Variants in ANKFN1 observed in about 807,000 individuals in gnomAD.
The protein encoded by ANKFN1 is ankyrin repeat and fibronectin type III domain containing 1.
A neutral mutation model predicts 108.7 loss-of-function variants in ANKFN1; 74 were observed. The observed-to-expected ratio is 0.68, with a 90% CI of 0.56 to 0.83. The LOEUF is 0.83. Ranked by LOEUF, ANKFN1 falls within the 40% of genes least tolerant of loss-of-function variation. The pLI, the probability that ANKFN1 is intolerant of heterozygous loss-of-function variation, is 0.00. For missense variants in ANKFN1, 1,505 were observed against 1,382.3 expected (o/e 1.09, Z -1.41); for synonymous variants, 547 against 516.2 (o/e 1.06, Z -0.81).
chr17:56,505,698 G>A (rs1288708511), intron 20 of ANKFN1, among the ~76,000 whole-genome samples: 1 of 152,190 alleles, frequency 6.6e-6, no homozygotes, highest in African/African-American at 2.4e-5. Flanking sequence ...TGCTCTAAGA[G>A]GCAAAAGAAC....
intron 17 of ANKFN1, among the ~76,000 whole-genome samples, chr17:56,481,489 AACACACAC>A (rs57493335): frequency 2.0e-5 from 3 of 148,954 alleles, no homozygotes; most frequent in African/African-American, 7.4e-5. Flanking sequence ...CCCTCCCCAA[AACACACAC>A]ACACACACAC....
chr17:56,063,252 T>TCTTA (rs1056596501), intron 4 of ANKFN1, among the ~76,000 whole-genome samples: 2 of 152,164 alleles, frequency 1.3e-5, no homozygotes. Context: ...TTATAGTGTA[T>TCTTA]CTTAGTGGTG....
At chr17:56,427,842 A>G (rs2048619367) in intron 8 of ANKFN1, among the ~76,000 whole-genome samples, 1 of 152,160 alleles carries the variant, frequency 6.6e-6, no homozygotes, top group Non-Finnish European at 1.5e-5. Flanking sequence ...GGCTGTGTGG[A>G]TCTGAGCTAG....
rs375352096 is a variant in ANKFN1, at chr17:56,047,139, G to A, written c.288+814G>A. ...ATAAGACAGTGCTGTATACCTTTGG[G>A]TAATGGTCGTTACTAATGCTAAATA... On this transcript the variant is annotated intron_variant, in intron 4 of 12. Transcript: ENST00000635860. 8.5e-5 allele frequency among the ~76,000 whole-genome samples: 13 copies of A among 152,268 alleles called. 1 individual carries two copies. Among genetic ancestry groups the A allele is most frequent in the African/African-American group, 3.1e-4 (13 of 41,554 alleles).
intron 1 of ANKFN1, among the ~76,000 whole-genome samples, chr17:56,186,993 C>T (rs957492145): frequency 1.3e-5 from 2 of 152,150 alleles, no homozygotes; most frequent in Admixed American, 6.5e-5. Flanking sequence ...TAGAAGAAAA[C>T]CTAGGCAGTA....
chr17:56,284,650 T>C (rs2044170934), intron 3 of ANKFN1, among the ~76,000 whole-genome samples: 1 of 152,216 alleles, frequency 6.6e-6, no homozygotes, highest in Non-Finnish European at 1.5e-5. Context: ...ATATGCAGTG[T>C]ATGCATTTAC....
chr17:56,509,557 A>G (rs898356896), intron 20 of ANKFN1, among the ~76,000 whole-genome samples: 2 of 152,196 alleles, frequency 1.3e-5, no homozygotes, highest in African/African-American at 4.8e-5. Flanking sequence ...GCTGCAGGGG[A>G]AGCTGAAAAA....
intron 3 of ANKFN1, among the ~76,000 whole-genome samples, chr17:56,300,370 G>A (rs917785170): frequency 1.3e-5 from 2 of 152,160 alleles, no homozygotes; most frequent in Non-Finnish European, 2.9e-5. Context: ...AGGAGTTGGG[G>A]TTTGGCAAAG....
chr17:56,396,216 G>A (rs1002962106), intron 8 of ANKFN1, among the ~76,000 whole-genome samples: 3 of 152,214 alleles, frequency 2.0e-5, no homozygotes, highest in African/African-American at 7.2e-5. Context: ...GGGAGGCCAA[G>A]GCGGGCAGAT....
chr17:56,131,959 T>C (rs1907310565), intron 4 of ANKFN1, among the ~76,000 whole-genome samples: 1 of 152,236 alleles, frequency 6.6e-6, no homozygotes, highest in Non-Finnish European at 1.5e-5. Flanking sequence ...AAATGTGTAC[T>C]CTAACTTAAG....
chr17:56,103,018 G>T (rs1322469013), intron 4 of ANKFN1, among the ~76,000 whole-genome samples: 2 of 152,184 alleles, frequency 1.3e-5, no homozygotes, highest in African/African-American at 4.8e-5. Flanking sequence ...ATGTAAATGA[G>T]CATCTGCTGT....
At chr17:56,461,702 C>T (rs920849229) in intron 14 of ANKFN1, among the ~76,000 whole-genome samples, 1 of 152,216 alleles carries the variant, frequency 6.6e-6, no homozygotes, top group Non-Finnish European at 1.5e-5. Context: ...TAGTGCCCCA[C>T]TTGGACTGTG....
rs1024032979 is a variant in ANKFN1 at position 56,073,068 on chromosome 17, C to G, written c.288+26743C>G. ...AGTGCAGTGGCGGGATCTCGGCTCA[C>G]TGCAAGCTCCGCCTCCCGGGTTCAC... On this transcript the variant is annotated intron_variant, in intron 4 of 12. Coordinates refer to the ANKFN1 transcript ENST00000635860. Among the ~76,000 whole-genome samples, 22 of 151,700 alleles carry G rather than the reference C, an allele frequency of 1.5e-4. No homozygotes were observed. In the East Asian group the frequency reaches 4.3e-3, roughly 29 times the overall value.
chr17:56,452,378 A>G (rs140431656), intron 11 of ANKFN1, among the ~76,000 whole-genome samples: 339 of 152,316 alleles, frequency 2.2e-3, no homozygotes, highest in Non-Finnish European at 3.8e-3. Flanking sequence ...GAGAAAAGTT[A>G]GTTTAGACTG....
At chr17:56,093,554 C>T (rs1905460827) in intron 4 of ANKFN1, among the ~76,000 whole-genome samples, 1 of 151,318 alleles carries the variant, frequency 6.6e-6, no homozygotes, top group Non-Finnish European at 1.5e-5. Context: ...ACGAAATGCA[C>T]ACATTTCAAA....
At chr17:56,075,703 G>A (rs990707492) in intron 4 of ANKFN1, among the ~76,000 whole-genome samples, 6 of 152,118 alleles carry the variant, frequency 3.9e-5, no homozygotes, top group African/African-American at 1.4e-4. Context: ...TTTGCAAAGG[G>A]CCACTTAGTT....
At chr17:56,247,461 A>C (rs1379088517) in intron 3 of ANKFN1, among the ~76,000 whole-genome samples, 3 of 152,326 alleles carry the variant, frequency 2.0e-5, no homozygotes, top group African/African-American at 7.2e-5. Flanking sequence ...AACAAAACGA[A>C]GATAAATACT....
At chr17:56,178,823 G>A (rs769817227) in intron 1 of ANKFN1, among the ~76,000 whole-genome samples, 3 of 152,130 alleles carry the variant, frequency 2.0e-5, no homozygotes, top group Non-Finnish European at 4.4e-5. Flanking sequence ...AGGGTGCAAC[G>A]TGTAGCATTT....
At chr17:56,274,370 G>A (rs981412932) in intron 3 of ANKFN1, among the ~76,000 whole-genome samples, 59 of 152,282 alleles carry the variant, frequency 3.9e-4, no homozygotes, top group Middle Eastern at 3.4e-3. Flanking sequence ...CTACTCAGGA[G>A]GCTGAGGCAG....
Sources: gnomAD v4.1 joint callset for allele counts (sites outside exome capture counted in the v4.1 genomes callset) on GRCh38, gnomAD v4.1.1 for gene constraint, MANE v1.5 for transcripts, NCBI Gene and HGNC (gene_info 2026-07-23, HGNC 2026-07-21) for gene names.